Variants in KLF8 observed in about 807,000 individuals in gnomAD.
KLF8 encodes the protein Krueppel-like factor 8.
A neutral mutation model predicts 18.2 loss-of-function variants in KLF8; 10 were observed. The ratio of observed to expected loss-of-function variants is 0.55; its 90% CI spans 0.34 to 0.93. KLF8 has a LOEUF of 0.93. Among genes scored for constraint, KLF8 ranks in the 40% least tolerant of loss-of-function variants. The pLI is 0.02. For synonymous variants in KLF8, 109 were observed against 97.3 expected (o/e 1.12, Z -0.71); for missense variants, 264 against 277.9 (o/e 0.95, Z 0.36).
chrX:56,136,217 C>A, the KLF8 span, among the ~76,000 whole-genome samples: 1 of 111,586 alleles, frequency 9.0e-6, no homozygotes, highest in South Asian at 3.7e-4. Context: ...ATCAAGCTAC[C>A]AATGCCTTTC....
chrX:56,163,234 T>C, the KLF8 span, among the ~76,000 whole-genome samples: 1 of 111,984 alleles, frequency 8.9e-6, no homozygotes, highest in Admixed American at 9.5e-5. Flanking sequence ...TTTTTTTTTC[T>C]CTACAACTGC....
chrX:56,193,579 C>G, the KLF8 span, among the ~76,000 whole-genome samples: 1 of 112,034 alleles, frequency 8.9e-6, no homozygotes, highest in Non-Finnish European at 1.9e-5. Context: ...AAGTGTTCAT[C>G]AACAAATGAA....
At chrX:56,085,699 A>G in the KLF8 span, among the ~76,000 whole-genome samples, 74 of 112,587 alleles carry the variant, frequency 6.6e-4, 1 homozygote, top group East Asian at 0.021. Flanking sequence ...AGAAAAACAG[A>G]TGAACCATAA....
the KLF8 span, among the ~76,000 whole-genome samples, chrX:56,087,144 AT>A: frequency 3.6e-5 from 4 of 111,487 alleles, no homozygotes; most frequent in Admixed American, 2.9e-4. Context: ...GGTTGCCAAG[AT>A]TAGGGAAGTT....
At chrX:56,219,941 A>C in the KLF8 span, among the ~76,000 whole-genome samples, 1 of 112,409 alleles carries the variant, frequency 8.9e-6, no homozygotes, top group African/African-American at 3.2e-5. Context: ...ACTTGGCTAT[A>C]AAACAGGGAT....
At chrX:56,210,994 T>A in the KLF8 span, among the ~76,000 whole-genome samples, 3 of 111,117 alleles carry the variant, frequency 2.7e-5, no homozygotes, top group African/African-American at 9.8e-5. Context: ...TATTTTGAAT[T>A]CTCTGTCTGA....
chrX:56,194,243 A>C, the KLF8 span, among the ~76,000 whole-genome samples: 6 of 111,298 alleles, frequency 5.4e-5, no homozygotes, highest in East Asian at 1.7e-3. Flanking sequence ...ACAGAGGGTG[A>C]GCTGAAGCAG....
At chrX:56,082,112 A>C in the KLF8 span, among the ~76,000 whole-genome samples, 2 of 111,631 alleles carry the variant, frequency 1.8e-5, no homozygotes, top group Non-Finnish European at 3.8e-5. Context: ...GTTTTAAATT[A>C]CTAATTCAAG....
At chrX:56,080,973 T>A in the KLF8 span, among the ~76,000 whole-genome samples, 1 of 111,248 alleles carries the variant, frequency 9.0e-6, no homozygotes, top group Non-Finnish European at 1.9e-5. Flanking sequence ...CTTCACGTAG[T>A]TCTCGAGCCT....
the KLF8 span, among the ~76,000 whole-genome samples, chrX:56,044,561 C>T: frequency 8.9e-6 from 1 of 112,805 alleles, no homozygotes; most frequent in Non-Finnish European, 1.9e-5. Context: ...ATTGTGCTCT[C>T]ACTTAAAGAA....
the KLF8 span, among the ~76,000 whole-genome samples, chrX:55,915,499 A>C: frequency 8.9e-6 from 1 of 112,055 alleles, no homozygotes; most frequent in Non-Finnish European, 1.9e-5. Context: ...AGATCTAAGA[A>C]GTAACATGTA....
chrX:56,127,209 C>T, the KLF8 span, among the ~76,000 whole-genome samples: 57 of 111,377 alleles, frequency 5.1e-4, no homozygotes, highest in Non-Finnish European at 1.9e-4. Context: ...GTCCATTTTC[C>T]CTAACTAAAA....
the KLF8 span, among the ~76,000 whole-genome samples, chrX:56,118,883 T>C: frequency 2.8e-4 from 31 of 111,939 alleles, no homozygotes; most frequent in Non-Finnish European, 4.5e-4. Flanking sequence ...ATTTGTTGTA[T>C]ATATGTATAT....
the KLF8 span, among the ~76,000 whole-genome samples, chrX:55,960,026 A>G: frequency 8.9e-6 from 1 of 112,160 alleles, no homozygotes; most frequent in East Asian, 2.8e-4. Context: ...AGGGAACCCC[A>G]TTAAGCTAAC....
the KLF8 span, among the ~76,000 whole-genome samples, chrX:56,194,050 G>A: frequency 9.0e-6 from 1 of 111,693 alleles, no homozygotes; most frequent in Non-Finnish European, 1.9e-5. Flanking sequence ...ACTGTGTATT[G>A]CATCCTTGTA....
chrX:56,049,875 C>G, the KLF8 span, among the ~76,000 whole-genome samples: 1 of 107,377 alleles, frequency 9.3e-6, no homozygotes, highest in Non-Finnish European at 1.9e-5. Flanking sequence ...TGGTAGAATT[C>G]GGCTGTGAAT....
At chrX:56,054,541 T>C in the KLF8 span, among the ~76,000 whole-genome samples, 1 of 112,133 alleles carries the variant, frequency 8.9e-6, no homozygotes, top group Non-Finnish European at 1.9e-5. Context: ...GTCATGTGGA[T>C]ATGAGAAGAA....
chrX:56,069,575 C>G, the KLF8 span, among the ~76,000 whole-genome samples: 2 of 111,932 alleles, frequency 1.8e-5, no homozygotes, highest in African/African-American at 6.5e-5. Flanking sequence ...TGAGTCATGC[C>G]TGATCGAGCT....
chrX:56,242,161 T>G (rs6612506), intron 1 of KLF8, among the ~76,000 whole-genome samples: 60,885 of 111,022 alleles, frequency 0.55, 14,006 homozygotes, highest in Non-Finnish European at 0.73. Flanking sequence ...TCTAGCACAT[T>G]CCAAGGTAAT....
Sources: allele counts gnomAD v4.1 joint callset (sites outside exome capture counted in the v4.1 genomes callset), GRCh38; gene constraint gnomAD v4.1.1; transcripts MANE v1.5; gene names NCBI Gene and HGNC (gene_info 2026-07-23, HGNC 2026-07-21).